The following ME1 variants were observed in gnomAD, a reference collection of about 807,000 sequenced individuals.
The protein encoded by ME1 is malic enzyme 1, also known as NADP-dependent malic enzyme.
ME1 carries 74 observed loss-of-function variants against 66.4 expected under a neutral mutation model. That is an observed-to-expected ratio of 1.11 (90% CI 0.92 to 1.35). The LOEUF (loss-of-function observed/expected upper bound fraction) is 1.35, where lower values mean the gene tolerates loss of function less well. Ranked by LOEUF, ME1 falls within the 40% of genes most tolerant of loss-of-function variation. The probability of loss-of-function intolerance (pLI) is 0.00; values close to 1 mark genes in which losing one functional copy is unlikely to be tolerated. For missense variants in ME1, 750 were observed against 694.1 expected (o/e 1.08, Z -0.90); for synonymous variants, 251 against 235.6 (o/e 1.07, Z -0.60).
intron 5 of ME1, among the ~76,000 whole-genome samples, chr6:83,332,876 A>C (rs570709832): frequency 6.6e-6 from 1 of 152,318 alleles, no homozygotes; most frequent in South Asian, 2.1e-4. Context: ...GTGTAACCAA[A>C]AACCACTTGT....
intron 2 of ME1, among the ~76,000 whole-genome samples, chr6:83,405,722 GT>G (rs1245020714): frequency 9.3e-4 from 117 of 126,248 alleles, no homozygotes; most frequent in Admixed American, 2.4e-3. Context: ...TGTTGTTGTT[GT>G]TTTTTTTTTT....
Position 83,334,331 on chromosome 6 carries a change from G to C in ME1, c.600+11842C>G, listed in dbSNP as rs1270205801. On this transcript the variant is annotated intron_variant, in intron 5 of 13. Coordinates refer to ENST00000369705, the MANE Select transcript of ME1 (RefSeq NM_002395.6). ...GAGGGTCCTACGCCCACGGAATCTC[G>C]CTGATTGCTAGCACAGCAGTCTGAG... Among the ~76,000 whole-genome samples, 15 of 114,636 alleles carry C rather than the reference G, an allele frequency of 1.3e-4. No homozygotes were observed. In the South Asian group the frequency reaches 1.4e-3, roughly 10 times the overall value. The allele number at this position is 114,636 out of a possible 152,430, so 75.2% of individuals were successfully genotyped here.
chr6:83,250,702 A>G (rs1039061465), intron 7 of ME1, among the ~76,000 whole-genome samples: 6 of 152,234 alleles, frequency 3.9e-5, no homozygotes, highest in Admixed American at 3.3e-4. Context: ...CTCCAATTCA[A>G]TCCTGTTCTC....
At chr6:83,271,009 C>T (rs1368640464) in intron 6 of ME1, among the ~76,000 whole-genome samples, 2 of 148,152 alleles carry the variant, frequency 1.3e-5, no homozygotes, top group African/African-American at 2.5e-5. Context: ...AAAGTTGTGG[C>T]TAGGTGAAGG....
intron 5 of ME1, among the ~76,000 whole-genome samples, chr6:83,323,789 A>G (rs911765319): frequency 6.6e-6 from 1 of 152,106 alleles, no homozygotes; most frequent in African/African-American, 2.4e-5. Flanking sequence ...AAGACAGAAA[A>G]TTAACACAGA....
intron 9 of ME1, among the ~76,000 whole-genome samples, chr6:83,230,518 G>A (rs1334582870): frequency 6.6e-6 from 1 of 152,104 alleles, no homozygotes; most frequent in Non-Finnish European, 1.5e-5. Context: ...AAACACTCAG[G>A]ACTGTACCTG....
In ME1 at chr6:83,417,192, C is replaced by T. The variant is rs367771405; in HGVS notation, c.79-9291G>A. On this transcript the variant is annotated intron_variant, in intron 1 of 13. Transcript: ENST00000369705. ...AGCTTCTTGAGTAGCTGGAACTATA[C>T]GCATACACCACCACATCTGGAAAAA... is the stretch of plus-strand genomic sequence containing the variant. Among the ~76,000 whole-genome samples, 28 of 152,120 alleles carry T rather than the reference C, an allele frequency of 1.8e-4. 1 individual carries two copies. The highest frequency in any genetic ancestry group is 4.1e-4 in the African/African-American group (17 of 41,494).
intron 6 of ME1, among the ~76,000 whole-genome samples, chr6:83,255,097 CT>C (rs1766740579): frequency 6.6e-6 from 1 of 151,962 alleles, no homozygotes; most frequent in Non-Finnish European, 1.5e-5. Flanking sequence ...ACATATTTAT[CT>C]TGGGTAGACT....
At chr6:83,315,221 T>C in intron 6 of ME1, 89 bp downstream of exon 6, 1 of 750,414 alleles carries the variant, frequency 1.3e-6, no homozygotes, top group Non-Finnish European at 2.3e-6. Flanking sequence ...CTTCTAATTA[T>C]TAAACCATAT....
At chr6:83,262,040 A>G (rs986541548) in intron 6 of ME1, among the ~76,000 whole-genome samples, 2 of 151,970 alleles carry the variant, frequency 1.3e-5, no homozygotes, top group African/African-American at 4.8e-5. Context: ...AGAAAAAAGA[A>G]AAAGCATGAA....
Position 83,235,428 on chromosome 6 carries a change from T to C in ME1, c.1026+2289A>G, listed in dbSNP as rs546596368. Among the ~76,000 whole-genome samples, 6 of 151,820 alleles carry C rather than the reference T, an allele frequency of 4.0e-5. No individual in the cohort carries two copies. The South Asian group carries it at 1.0e-3, about 26-fold the overall frequency. On this transcript the variant is annotated intron_variant, in intron 9 of 13. Transcript: ENST00000369705. Reference sequence around the variant, plus strand: ...CACAACTTGTCACATGATGACAGTGTACAAAATTTTCATACTATGCTGATT... The same window carrying C: ...CACAACTTGTCACATGATGACAGTGCACAAAATTTTCATACTATGCTGATT...
intron 6 of ME1, among the ~76,000 whole-genome samples, chr6:83,261,329 C>T (rs569245922): frequency 2.2e-4 from 33 of 150,662 alleles, no homozygotes; most frequent in African/African-American, 7.3e-4. Flanking sequence ...GATTTAAGTT[C>T]CTTAAAATTC....
At position 83,430,963 on chromosome 6, in the gene ME1, CCGGGTTCGGCGG is replaced by C. The variant is rs1446996304; in HGVS notation, c.-21_-10del. On this transcript the variant is annotated 5_prime_UTR_variant, in exon 1 of 14. Transcript: ENST00000369705. ...GGGGCTTCGGGCTCCATGGCTGGCG[CCGGGTTCGGCGG>C]CGGGGTCAGGCCGGGGCGGGCCGCA... 2 of 1,546,786 alleles carry C rather than the reference CCGGGTTCGGCGG, an allele frequency of 1.3e-6. No homozygotes were observed. The highest frequency in any genetic ancestry group is 2.8e-5 in the African/African-American group (2 of 70,274).
chr6:83,403,877 C>G (rs925190224), intron 2 of ME1, among the ~76,000 whole-genome samples: 1 of 152,192 alleles, frequency 6.6e-6, no homozygotes. Context: ...ATATGTGCCA[C>G]ATTTCCTTCA....
chr6:83,269,576 T>C (rs1562464809), intron 6 of ME1, among the ~76,000 whole-genome samples: 1 of 152,162 alleles, frequency 6.6e-6, no homozygotes, highest in Non-Finnish European at 1.5e-5. Flanking sequence ...CCTCCTGAAA[T>C]GCATTTTTTC....
At position 83,229,013 on chromosome 6, in the gene ME1, T is replaced by C. The variant is rs1294976855; in HGVS notation, c.1027-82A>G. ...AATTTCGGTACATATATTACAAATA[T>C]TTATGCTTAACATTTTTATGTATGA... On this transcript the variant is annotated intron_variant, in intron 9 of 13. Coordinates refer to ENST00000369705, the MANE Select transcript of ME1 (RefSeq NM_002395.6). 7.0e-6 allele frequency: 6 copies of C among 854,158 alleles called. No individual in the cohort carries two copies. The African/African-American group carries it at 1.0e-4, about 15-fold the overall frequency. 52.9% of individuals were successfully genotyped at this position (854,158 alleles called of 1,614,324 possible).
At chr6:83,404,169 G>GT (rs1769889219) in intron 2 of ME1, among the ~76,000 whole-genome samples, 1 of 152,002 alleles carries the variant, frequency 6.6e-6, no homozygotes, top group Non-Finnish European at 1.5e-5. Flanking sequence ...AGCATCTGTT[G>GT]TTTCCTGATT....
intron 5 of ME1, among the ~76,000 whole-genome samples, chr6:83,330,878 C>T (rs1353800525): frequency 6.6e-6 from 1 of 152,098 alleles, no homozygotes; most frequent in African/African-American, 2.4e-5. Context: ...GCAAATGAAA[C>T]TCCAAGCCAA....
chr6:83,396,238 C>T (rs183849222), intron 3 of ME1, among the ~76,000 whole-genome samples: 8 of 152,106 alleles, frequency 5.3e-5, no homozygotes, highest in African/African-American at 1.7e-4. Flanking sequence ...GTGGTGCGCA[C>T]CTGTAATCCC....
Sources: gnomAD v4.1 joint callset for allele counts (sites outside exome capture counted in the v4.1 genomes callset) on GRCh38, gnomAD v4.1.1 for gene constraint, MANE v1.5 for transcripts, NCBI Gene and HGNC (gene_info 2026-07-23, HGNC 2026-07-21) for gene names.